Variants in SMIM7 observed in about 807,000 individuals in gnomAD.
The protein encoded by SMIM7 is UPF0608 protein C19orf42.
A neutral mutation model predicts 13.3 loss-of-function variants in SMIM7; 12 were observed. That is an observed-to-expected ratio of 0.90 (90% CI 0.58 to 1.46). The LOEUF (loss-of-function observed/expected upper bound fraction) is 1.46, where lower values mean the gene tolerates loss of function less well. SMIM7 is among the 40% of genes most tolerant of loss of function. SMIM7 has a pLI of 0.00. For missense variants in SMIM7, 114 were observed against 94.8 expected (o/e 1.20, Z -0.84); for synonymous variants, 36 against 35.8 (o/e 1.01, Z -0.02).
Position 16,659,383 on chromosome 19 carries a change from A to G in SMIM7, c.121+12T>C, listed in dbSNP as rs776940319. 22 of 1,613,462 alleles carry G rather than the reference A, an allele frequency of 1.4e-5. No individual in the cohort carries two copies. Among genetic ancestry groups the G allele is most frequent in the East Asian group, 2.2e-5 (1 of 44,878 alleles). On this transcript the variant is annotated intron_variant, in intron 3 of 4. Transcript: ENST00000487416. ...GTGGACCATGCAATTCCAGGATCCA[A>G]TTAGACCTTACCTGTGCTGGGCTCC... is the stretch of plus-strand genomic sequence containing the variant.
intron 4 of SMIM7, chr19:16,652,375 T>A (rs2086538144): frequency 4.6e-6 from 1 of 217,696 alleles, no homozygotes; most frequent in African/African-American, 2.4e-5. Context: ...CTAATTTTTT[T>A]ATTTTTGGTA....
At chr19:16,654,700 A>G (rs1196126397) in intron 3 of SMIM7, among the ~76,000 whole-genome samples, 2 of 152,192 alleles carry the variant, frequency 1.3e-5, no homozygotes, top group African/African-American at 4.8e-5. Flanking sequence ...CATTAAAAAA[A>G]AAAGAAAGAA....
At chr19:16,635,899 A>AAAAAAAAAAAATATATATAT (rs1200181092) in intron 4 of SMIM7, among the ~76,000 whole-genome samples, 3 of 109,596 alleles carry the variant, frequency 2.7e-5, no homozygotes, top group African/African-American at 1.3e-4. Context: ...AAAAAAAAAA[A>AAAAAAAAAAAATATATATAT]ATATATATAT....
intron 4 of SMIM7, among the ~76,000 whole-genome samples, chr19:16,632,703 T>A (rs2086330673): frequency 6.6e-6 from 1 of 151,998 alleles, no homozygotes; most frequent in East Asian, 1.9e-4. Context: ...AGCTAATTTT[T>A]GTATTTTTAG....
intron 4 of SMIM7, chr19:16,634,839 C>T (rs1007988191): frequency 3.5e-5 from 5 of 142,700 alleles, no homozygotes; most frequent in Admixed American, 2.1e-4. Context: ...CACAGAAAGA[C>T]GTGCGTACAT....
downstream of SMIM7, among the ~76,000 whole-genome samples, chr19:16,644,197 T>C (rs2086428289): frequency 6.8e-6 from 1 of 146,078 alleles, no homozygotes; most frequent in Admixed American, 7.0e-5. Context: ...CTCGGCTCGC[T>C]GCAACCTCCG....
At chr19:16,659,680 G>A (rs1331073682) in intron 2 of SMIM7, 12 of 650,988 alleles carry the variant, frequency 1.8e-5, no homozygotes, top group Non-Finnish European at 3.2e-5. Flanking sequence ...CGGGTGCAGG[G>A]CGGAAGGTCC....
At chr19:16,652,663 T>A (rs1262107423) in intron 4 of SMIM7, 12 of 1,386,152 alleles carry the variant, frequency 8.7e-6, no homozygotes, top group Non-Finnish European at 1.0e-5. Context: ...TGAAATGCCA[T>A]CCTCCCCAGA....
Position 16,647,176 on chromosome 19 carries a change from A to C in SMIM7, c.*70T>G. On this transcript the variant is annotated 3_prime_UTR_variant, in exon 5 of 5. Transcript: ENST00000487416. ...GTTTTCTGGTCAAAAACATTCTTGA[A>C]GTCATCAGGAATGGAGGAATGGAGA... 1 of 1,593,012 alleles carries C rather than the reference A, an allele frequency of 6.3e-7. No individual in the cohort carries two copies. Among genetic ancestry groups the C allele is most frequent in the Non-Finnish European group, 8.6e-7 (1 of 1,161,564 alleles).
rs201376648 is a variant in SMIM7, at chr19:16,654,073, G to A, written c.174C>T (p.Ile58=). The A allele has an allele frequency of 4.9e-5, 79 of 1,614,080 alleles. No individual in the cohort carries two copies. The highest frequency in any genetic ancestry group is 5.8e-5 in the Non-Finnish European group (68 of 1,180,014). Reference sequence around the variant, plus strand: ...ACATCATGAAGATGTTCCACAGGGCGATGAAGATTCGAAAGTATCTGAGGC... The same window carrying A: ...ACATCATGAAGATGTTCCACAGGGCAATGAAGATTCGAAAGTATCTGAGGC... ...LLSLRYFRIF[I]ALWNIFMMFC... The change falls in exon 4 of 5, where the codon ATC becomes ATT. Residue 58 remains isoleucine (I), a synonymous_variant. Coordinates refer to ENST00000487416, the MANE Select transcript of SMIM7 (RefSeq NM_024104.4).
chr19:16,639,375 G>A (rs4808519), intron 4 of SMIM7, among the ~76,000 whole-genome samples: 20,635 of 152,034 alleles, frequency 0.14, 1,528 homozygotes, highest in East Asian at 0.25. Context: ...GCCCGCCTCC[G>A]CCTCCCAAAG....
At chr19:16,644,132 T>G (rs916208560), downstream of SMIM7, among the ~76,000 whole-genome samples, 3 of 148,608 alleles carry the variant, frequency 2.0e-5, no homozygotes, top group African/African-American at 5.0e-5. Flanking sequence ...TTTTTTTTTT[T>G]TTTTTTTTTT....
intron 3 of SMIM7, 40 bp from the exon 4 acceptor site, chr19:16,654,165 TC>T: frequency 6.4e-7 from 1 of 1,551,598 alleles, no homozygotes. Context: ...ACAGCTAACA[TC>T]CCATCCCTAC....
chr19:16,634,570 A>T (rs1453758428), intron 4 of SMIM7: 1 of 152,198 alleles, frequency 6.6e-6, no homozygotes, highest in Non-Finnish European at 1.5e-5. Context: ...TGAGCTCAGG[A>T]GTTTGAGACC....
At chr19:16,649,706 C>A (rs1378450862) in intron 4 of SMIM7, among the ~76,000 whole-genome samples, 1 of 152,090 alleles carries the variant, frequency 6.6e-6, no homozygotes, top group African/African-American at 2.4e-5. Context: ...TTCATAATAG[C>A]TAAAAAATAC....
At chr19:16,657,413 C>T (rs1228852020) in intron 3 of SMIM7, among the ~76,000 whole-genome samples, 1 of 152,140 alleles carries the variant, frequency 6.6e-6, no homozygotes, top group Non-Finnish European at 1.5e-5. Context: ...GTGCCTTCCA[C>T]GTGGGGGTTA....
chr19:16,659,571 T>C, intron 2 of SMIM7, 124 bp from the exon 3 acceptor site: 1 of 954,712 alleles, frequency 1.0e-6, no homozygotes, highest in South Asian at 1.4e-5. Flanking sequence ...ACTTGCTGTG[T>C]GACCTCTGAC....
chr19:16,643,814 A>G (rs971777593), downstream of SMIM7: 1 of 152,266 alleles, frequency 6.6e-6, no homozygotes, highest in African/African-American at 2.4e-5. Flanking sequence ...TAATGCCACA[A>G]TAGAAGCCAA....
downstream of SMIM7, chr19:16,645,677 T>TC (rs1455157854): frequency 3.7e-5 from 5 of 135,124 alleles, no homozygotes; most frequent in African/African-American, 1.8e-4. Context: ...TTTTTTTTTT[T>TC]TTGAGACAGA....
Sources: gnomAD v4.1 joint callset for allele counts (sites outside exome capture counted in the v4.1 genomes callset) on GRCh38, gnomAD v4.1.1 for gene constraint, MANE v1.5 for transcripts, NCBI Gene and HGNC (gene_info 2026-07-23, HGNC 2026-07-21) for gene names.